UNC79: variants seen among roughly 807,000 people sequenced by gnomAD.
The protein encoded by UNC79 is unc-79 subunit of NALCN channel complex, also known as protein unc-79 homolog.
A neutral mutation model predicts 283.1 loss-of-function variants in UNC79; 37 were observed. That is an observed-to-expected ratio of 0.13 (90% CI 0.10 to 0.17). UNC79 has a LOEUF of 0.17. Ranked by LOEUF, UNC79 falls within the 10% of genes least tolerant of loss-of-function variation. The pLI is 1.00. For missense variants in UNC79, 2,272 were observed against 3,211.1 expected, an observed-to-expected ratio of 0.71 and a Z score of 7.07; for synonymous variants, 1,107 against 1,200.2, an observed-to-expected ratio of 0.92 and a Z score of 1.61.
At chr14:93,371,517 A>G (rs1003247446) in intron 1 of UNC79, among the ~76,000 whole-genome samples, 2 of 152,120 alleles carry the variant, frequency 1.3e-5, no homozygotes, top group African/African-American at 2.4e-5. Flanking sequence ...ACCAGTGGGG[A>G]AAAAAACTTC....
intron 1 of UNC79, among the ~76,000 whole-genome samples, chr14:93,337,226 G>A (rs1432618025): frequency 6.6e-6 from 1 of 152,224 alleles, no homozygotes; most frequent in Admixed American, 6.5e-5. Flanking sequence ...AAAACCCCCA[G>A]ACCCAGCCTA....
chr14:93,638,913 G>C (rs2068756475), intron 32 of UNC79, among the ~76,000 whole-genome samples: 1 of 152,194 alleles, frequency 6.6e-6, no homozygotes, highest in African/African-American at 2.4e-5. Flanking sequence ...GATTCAGCCA[G>C]TGTTGCCCTA....
At chr14:93,380,600 CTTTG>C (rs1238723601) in intron 1 of UNC79, among the ~76,000 whole-genome samples, 1 of 152,150 alleles carries the variant, frequency 6.6e-6, no homozygotes, top group Non-Finnish European at 1.5e-5. Flanking sequence ...GCAGTAAGAG[CTTTG>C]TTTGTGTGCA....
intron 19 of UNC79, 31 bp from the exon 20 acceptor site, chr14:93,582,170 TGC>T: frequency 6.2e-7 from 1 of 1,613,986 alleles, no homozygotes. Context: ...CCTCCAGGGC[TGC>T]TTACCTGGCT....
intron 14 of UNC79, among the ~76,000 whole-genome samples, chr14:93,559,976 C>T (rs764035434): frequency 1.1e-4 from 16 of 151,694 alleles, no homozygotes; most frequent in Admixed American, 4.6e-4. Context: ...GGATTAGGGG[C>T]GGCTTGGGAA....
intron 19 of UNC79, among the ~76,000 whole-genome samples, chr14:93,580,950 C>G (rs2063760084): frequency 6.6e-6 from 1 of 151,934 alleles, no homozygotes; most frequent in African/African-American, 2.4e-5. Context: ...CTCAAGTGGT[C>G]TACCCTCCTC....
intron 1 of UNC79, among the ~76,000 whole-genome samples, chr14:93,385,812 A>G (rs569157045): frequency 5.4e-4 from 81 of 151,080 alleles, no homozygotes; most frequent in Non-Finnish European, 1.1e-3. Context: ...TGATTTTTGT[A>G]TGTTGATTTT....
At chr14:93,374,833 C>T (rs998793789) in intron 1 of UNC79, among the ~76,000 whole-genome samples, 1 of 152,162 alleles carries the variant, frequency 6.6e-6, no homozygotes, top group Non-Finnish European at 1.5e-5. Flanking sequence ...GGGTGTGAGC[C>T]ACCATACTCG....
Position 93,471,934 on chromosome 14 carries a change from A to G in UNC79, c.144-2155A>G, listed in dbSNP as rs143621500. ...CAAAGTATTTGTTAACTGACATCATACTTTGGAAAAATACTAAGGTATATT... is the reference window on the plus strand; with the variant it reads ...CAAAGTATTTGTTAACTGACATCATGCTTTGGAAAAATACTAAGGTATATT... On this transcript the variant is annotated intron_variant, in intron 2 of 48. Transcript: ENST00000555664. 4.6e-5 allele frequency among the ~76,000 whole-genome samples: 7 copies of G among 152,272 alleles called. No individual in the cohort carries two copies. The East Asian group carries it at 1.4e-3, about 29-fold the overall frequency.
rs566952690 is a variant in UNC79 at position 93,574,147 on chromosome 14, G to A, written c.2071-911G>A. ...GGCTGGATGTTGCCTCAGTTACCCC[G>A]TTGCACAGCCCTTACACTGTGCTCT... On this transcript the variant is annotated intron_variant, in intron 16 of 48. Coordinates refer to ENST00000555664, the Ensembl canonical transcript of UNC79. 9.9e-5 allele frequency among the ~76,000 whole-genome samples: 15 copies of A among 152,282 alleles called. No individual in the cohort carries two copies. The Middle Eastern group carries it at 0.01, about 104-fold the overall frequency.
intron 42 of UNC79, among the ~76,000 whole-genome samples, chr14:93,683,854 A>AC (rs1284134366): frequency 6.6e-6 from 1 of 151,612 alleles, no homozygotes; most frequent in African/African-American, 2.4e-5. Flanking sequence ...TCAAAAAAAA[A>AC]AAAACACACA....
chr14:93,548,366 A>G (rs1426839059), intron 14 of UNC79, among the ~76,000 whole-genome samples: 1 of 152,210 alleles, frequency 6.6e-6, no homozygotes, highest in African/African-American at 2.4e-5. Context: ...TTCTAACATC[A>G]TCACATTGGT....
At chr14:93,609,819 A>T (rs2066167941) in intron 26 of UNC79, among the ~76,000 whole-genome samples, 1 of 152,200 alleles carries the variant, frequency 6.6e-6, no homozygotes. Flanking sequence ...TGCACCAGTC[A>T]CAAGCTTACT....
At chr14:93,396,864 C>CT (rs955779892) in intron 1 of UNC79, among the ~76,000 whole-genome samples, 6 of 150,916 alleles carry the variant, frequency 4.0e-5, no homozygotes, top group Non-Finnish European at 8.8e-5. Context: ...TTGGCCCTCA[C>CT]TTTCTGCTTA....
At chr14:93,377,234 C>T (rs59080821) in intron 1 of UNC79, among the ~76,000 whole-genome samples, 4,999 of 151,720 alleles carry the variant, frequency 0.033, 292 homozygotes, top group African/African-American at 0.11. Flanking sequence ...GGACTACAGG[C>T]GCCCGCCACC....
At chr14:93,580,263 C>G (rs1235474647) in exon 19 of UNC79, 2 of 1,614,170 alleles carry the variant, frequency 1.2e-6, no homozygotes, top group South Asian at 2.2e-5. Flanking sequence ...CCACACCTGC[C>G]AGAAGGACGA....
intron 5 of UNC79, among the ~76,000 whole-genome samples, chr14:93,492,542 T>A (rs1288970683): frequency 1.3e-5 from 2 of 152,104 alleles, no homozygotes; most frequent in Admixed American, 1.3e-4. Flanking sequence ...TTAGTAGAGA[T>A]GGGATTTCAT....
intron 1 of UNC79, among the ~76,000 whole-genome samples, chr14:93,356,780 TA>T (rs2054094105): frequency 6.6e-6 from 1 of 152,212 alleles, no homozygotes; most frequent in African/African-American, 2.4e-5. Context: ...AAGCTATGGT[TA>T]AAGCAAATGA....
At chr14:93,549,394 C>T (rs925826930) in intron 14 of UNC79, among the ~76,000 whole-genome samples, 1 of 152,132 alleles carries the variant, frequency 6.6e-6, no homozygotes. Flanking sequence ...AACGTGTGCT[C>T]AGCATGGTAC....
Sources: gnomAD v4.1 joint callset for allele counts (sites outside exome capture counted in the v4.1 genomes callset) on GRCh38, gnomAD v4.1.1 for gene constraint, MANE v1.5 for transcripts, NCBI Gene and HGNC (gene_info 2026-07-23, HGNC 2026-07-21) for gene names.